ANKRD55: variants seen among roughly 807,000 people sequenced by gnomAD.
The protein encoded by ANKRD55 is ankyrin repeat domain-containing protein 55.
A neutral mutation model predicts 60.6 loss-of-function variants in ANKRD55; 41 were observed. That is an observed-to-expected ratio of 0.68 (90% CI 0.53 to 0.88). The LOEUF (loss-of-function observed/expected upper bound fraction) is 0.88. Ranked by LOEUF, ANKRD55 falls within the 40% of genes least tolerant of loss-of-function variation. The pLI is 0.00. For synonymous variants in ANKRD55, 264 were observed against 290.3 expected, an observed-to-expected ratio of 0.91 and a Z score of 0.92; for missense variants, 732 against 767.6, an observed-to-expected ratio of 0.95 and a Z score of 0.55.
intron 8 of ANKRD55, among the ~76,000 whole-genome samples, chr5:56,126,171 A>T (rs775354416): frequency 6.6e-6 from 1 of 152,096 alleles, no homozygotes; most frequent in Non-Finnish European, 1.5e-5. Context: ...AAAATAAAAT[A>T]ATTACAAGTA....
chr5:56,129,590 A>C (rs560254212), intron 7 of ANKRD55, among the ~76,000 whole-genome samples: 3 of 152,322 alleles, frequency 2.0e-5, no homozygotes. Flanking sequence ...GGGCAGATTG[A>C]TAAAACAACA....
intron 2 of ANKRD55, among the ~76,000 whole-genome samples, chr5:56,227,133 A>G (rs1760134121): frequency 6.6e-6 from 1 of 152,196 alleles, no homozygotes; most frequent in Non-Finnish European, 1.5e-5. Flanking sequence ...TGTGGCATGT[A>G]TACACCATGG....
At position 56,135,285 on chromosome 5, in the gene ANKRD55, TGCC is replaced by T. The variant is rs1561263926; in HGVS notation, c.613-8182_613-8180del. ...TTCTTTCCCTCCCTCCCTCCCTGCCTGCCTGCTTGCTTTCTTTCTTTCTTTCTT... is the reference window on the plus strand; with the variant it reads ...TTCTTTCCCTCCCTCCCTCCCTGCCTTGCTTGCTTTCTTTCTTTCTTTCTT... On this transcript the variant is annotated intron_variant, in intron 7 of 11. Transcript: ENST00000341048. Among the ~76,000 whole-genome samples, 303 of 49,020 alleles carry T rather than the reference TGCC, an allele frequency of 6.2e-3. 10 individuals are homozygous for T. Among genetic ancestry groups the T allele is most frequent in the African/African-American group, 0.016 (160 of 9,832 alleles). The allele number at this position is 49,020 out of a possible 152,430, so 32.2% of individuals were successfully genotyped here. A position where few individuals can be genotyped will look rare whatever the true frequency, so the allele number is the denominator to read the frequency against.
chr5:56,200,617 T>C lies in ANKRD55; in HGVS notation c.59-16983A>G, dbSNP rs1291352209. On this transcript the variant is annotated intron_variant, in intron 2 of 11. Transcript: ENST00000341048. Reference sequence around the variant, plus strand: ...TGGTGGCTCTGTCCTTGGGTTATTATGGAGCTCTTTGGGAAAGCCCTTGAC... The same window carrying C: ...TGGTGGCTCTGTCCTTGGGTTATTACGGAGCTCTTTGGGAAAGCCCTTGAC... Among the ~76,000 whole-genome samples, 3 of 152,318 alleles carry C rather than the reference T, an allele frequency of 2.0e-5. No homozygotes were observed. In the East Asian group the frequency reaches 5.8e-4, roughly 29 times the overall value.
At chr5:56,137,225 G>C (rs1249626564) in intron 7 of ANKRD55, 1 of 1,608,594 alleles carries the variant, frequency 6.2e-7, no homozygotes, top group African/African-American at 1.3e-5. Context: ...AAGGTCGGTG[G>C]CCCAAAAAGA....
At chr5:56,188,990 C>T (rs1759033466) in intron 2 of ANKRD55, among the ~76,000 whole-genome samples, 2 of 151,958 alleles carry the variant, frequency 1.3e-5, no homozygotes, top group East Asian at 3.9e-4. Context: ...CTTAACTGGT[C>T]AGTGTCATAT....
At chr5:56,109,379 G>C (rs1192384997) in intron 10 of ANKRD55, among the ~76,000 whole-genome samples, 3 of 152,102 alleles carry the variant, frequency 2.0e-5, no homozygotes, top group Non-Finnish European at 2.9e-5. Flanking sequence ...TTTTTCGAGA[G>C]AAGCTAGAAT....
chr5:56,111,586 T>C lies in ANKRD55; in HGVS notation c.1162A>G (p.Ile388Val), dbSNP rs1313430849. Residue 388 changes from isoleucine to valine, a missense_variant, in exon 10 of 12, where the codon ATC becomes GTC. Physicochemically the swap from Ile to Val is conservative, Grantham distance 29 (BLOSUM62 3). Transcript: ENST00000341048. ...VNDIITTFDS[I>V]VGTNCQEQPG... ...TGTTCTTGGCAGTTGGTACCCACGA[T>C]GCTATCAAAGGTGGTGATGATGTCA... is the stretch of plus-strand genomic sequence containing the variant. 1 of 1,606,450 alleles carries C rather than the reference T, an allele frequency of 6.2e-7. No homozygotes were observed. Among genetic ancestry groups the C allele is most frequent in the Admixed American group, 1.7e-5 (1 of 58,962 alleles).
At chr5:56,181,653 C>T (rs913386064) in intron 3 of ANKRD55, among the ~76,000 whole-genome samples, 22 of 152,246 alleles carry the variant, frequency 1.4e-4, no homozygotes, top group Admixed American at 7.2e-4. Flanking sequence ...TGCAGTAGTG[C>T]GATCTCGGCT....
rs959336816 is a variant in ANKRD55, at chr5:56,100,090, A to C, written c.*93T>G. On this transcript the variant is annotated 3_prime_UTR_variant, in exon 12 of 12. Coordinates refer to ENST00000341048, the MANE Select transcript of ANKRD55 (RefSeq NM_024669.3). ...ATGGCTTATAGAATGCAGCTTACTA[A>C]ATTGGTCTTCGTTCTTACAAACTGG... 6 of 1,549,160 alleles carry C rather than the reference A, an allele frequency of 3.9e-6. No homozygotes were observed. Among genetic ancestry groups the C allele is most frequent in the Middle Eastern group, 2.1e-4 (1 of 4,848 alleles).
At chr5:56,194,035 G>C (rs186978006) in intron 2 of ANKRD55, among the ~76,000 whole-genome samples, 11 of 152,116 alleles carry the variant, frequency 7.2e-5, no homozygotes, top group Admixed American at 1.3e-4. Context: ...GAAAATTTTA[G>C]GGCTGGGTGC....
At chr5:56,109,798 G>T (rs1346682872) in intron 10 of ANKRD55, among the ~76,000 whole-genome samples, 1 of 152,142 alleles carries the variant, frequency 6.6e-6, no homozygotes, top group African/African-American at 2.4e-5. Context: ...GGGACGGGTG[G>T]ATCACGAGGT....
intron 3 of ANKRD55, among the ~76,000 whole-genome samples, chr5:56,182,028 T>C (rs1758859651): frequency 6.6e-6 from 1 of 152,246 alleles, no homozygotes; most frequent in Non-Finnish European, 1.5e-5. Context: ...GAAGTAATAC[T>C]AGCTCATAAA....
intron 5 of ANKRD55, among the ~76,000 whole-genome samples, chr5:56,160,176 T>G (rs1431873254): frequency 1.3e-5 from 2 of 152,204 alleles, no homozygotes; most frequent in African/African-American, 4.8e-5. Context: ...AGGCTCATTG[T>G]GTTCACCAGG....
intron 2 of ANKRD55, among the ~76,000 whole-genome samples, chr5:56,209,039 C>T (rs1034911460): frequency 6.6e-5 from 10 of 151,958 alleles, no homozygotes; most frequent in South Asian, 2.1e-4. Flanking sequence ...CTCACTGCAG[C>T]GTCCACCTCC....
intron 7 of ANKRD55, chr5:56,137,409 C>T (rs938242605): frequency 2.6e-5 from 23 of 894,454 alleles, no homozygotes; most frequent in South Asian, 2.6e-5. Flanking sequence ...CTCTCCCTGC[C>T]ACACTGAGAT....
intron 7 of ANKRD55, among the ~76,000 whole-genome samples, chr5:56,130,473 G>A (rs1464378416): frequency 6.6e-6 from 1 of 152,132 alleles, no homozygotes; most frequent in East Asian, 1.9e-4. Flanking sequence ...AAAAGACAGG[G>A]ACCAAATCAT....
In ANKRD55 at chr5:56,166,335, G is replaced by A. The variant is rs7728831; in HGVS notation, c.422+4359C>T. ...TACAGTGGCACGATCATAGCTCACCGCAGCCTCGAACTCCTGGGCTCAAGC... is the reference window on the plus strand; with the variant it reads ...TACAGTGGCACGATCATAGCTCACCACAGCCTCGAACTCCTGGGCTCAAGC... On this transcript the variant is annotated intron_variant, in intron 5 of 11. Transcript: ENST00000341048. Among the ~76,000 whole-genome samples the A allele has an allele frequency of 6.6e-3, 991 of 150,868 alleles. 12 individuals are homozygous for A. Among genetic ancestry groups the A allele is most frequent in the African/African-American group, 0.023 (947 of 40,896 alleles).
chr5:56,202,232 A>G (rs1184331974), intron 2 of ANKRD55, among the ~76,000 whole-genome samples: 1 of 152,212 alleles, frequency 6.6e-6, no homozygotes, highest in Non-Finnish European at 1.5e-5. Flanking sequence ...TTATCTGTGC[A>G]GCAAACAACC....
Sources: gnomAD v4.1 joint callset for allele counts (sites outside exome capture counted in the v4.1 genomes callset) on GRCh38, gnomAD v4.1.1 for gene constraint, MANE v1.5 for transcripts, NCBI Gene and HGNC (gene_info 2026-07-23, HGNC 2026-07-21) for gene names.